Variants in DUSP22 observed in about 807,000 individuals in gnomAD.
DUSP22 encodes the protein dual specificity protein phosphatase 22.
A neutral mutation model predicts 24.5 loss-of-function variants in DUSP22; 24 were observed. The ratio of observed to expected loss-of-function variants is 0.98; its 90% CI spans 0.71 to 1.38. The LOEUF is 1.38. Ranked by LOEUF, DUSP22 falls within the 40% of genes most tolerant of loss-of-function variation. The pLI is 0.00. For missense variants in DUSP22, 330 were observed against 269.2 expected, an observed-to-expected ratio of 1.23 and a Z score of -1.58; for synonymous variants, 160 against 106.4, an observed-to-expected ratio of 1.50 and a Z score of -3.10.
At chr6:333,693 C>A (rs1476995357) in intron 3 of DUSP22, among the ~76,000 whole-genome samples, 2 of 152,308 alleles carry the variant, frequency 1.3e-5, no homozygotes, top group East Asian at 3.8e-4. Context: ...GAAAACTGGC[C>A]CCAAGCTCAG....
At chr6:311,455 C>T (rs111232467) in intron 2 of DUSP22, among the ~76,000 whole-genome samples, 68 of 152,364 alleles carry the variant, frequency 4.5e-4, no homozygotes, top group African/African-American at 1.3e-3. Context: ...CCGAGGCGGG[C>T]GGCTCACGAG....
intron 2 of DUSP22, among the ~76,000 whole-genome samples, chr6:305,131 C>G (rs1167636254): frequency 1.3e-5 from 2 of 152,310 alleles, no homozygotes; most frequent in Non-Finnish European, 2.9e-5. Flanking sequence ...AAAGTGAGTT[C>G]ACTTTTTAAA....
intron 1 of DUSP22, among the ~76,000 whole-genome samples, chr6:296,206 T>C (rs1299947015): frequency 6.6e-6 from 1 of 152,306 alleles, no homozygotes; most frequent in Non-Finnish European, 1.5e-5. Flanking sequence ...ATTGTTTTTG[T>C]TTGTGTGTGC....
chr6:335,171 TC>T lies in DUSP22; in HGVS notation c.188+9del. The T allele has an allele frequency of 6.2e-7, 1 of 1,613,368 alleles. No individual in the cohort carries two copies. Among genetic ancestry groups the T allele is most frequent in the Non-Finnish European group, 8.5e-7 (1 of 1,179,240 alleles). The stretch of plus-strand genomic sequence containing the variant: ...TTCACCATCTCAAAACCTGTAAGTT[TC>T]TTATTTCTGTATTATTTGGAGACAT... On this transcript the variant is annotated intron_variant, in intron 4 of 6. Transcript: ENST00000419235.
At chr6:308,923 GC>G (rs1182031543) in intron 2 of DUSP22, among the ~76,000 whole-genome samples, 3 of 152,418 alleles carry the variant, frequency 2.0e-5, no homozygotes, top group Non-Finnish European at 2.9e-5. Flanking sequence ...CCATCAGGCT[GC>G]CCCGCCTCTA....
At chr6:323,849 A>T (rs1758721050) in intron 3 of DUSP22, among the ~76,000 whole-genome samples, 1 of 152,312 alleles carries the variant, frequency 6.6e-6, no homozygotes. Context: ...TATCTATTTT[A>T]TGAAATACCT....
At chr6:346,883 C>G (rs1200833669) in intron 5 of DUSP22, among the ~76,000 whole-genome samples, 5 of 152,290 alleles carry the variant, frequency 3.3e-5, no homozygotes, top group Non-Finnish European at 5.9e-5. Flanking sequence ...GAGAAGCCAC[C>G]TATGAAAACT....
chr6:332,102 G>A (rs1759167181), intron 3 of DUSP22, among the ~76,000 whole-genome samples: 1 of 152,300 alleles, frequency 6.6e-6, no homozygotes, highest in African/African-American at 2.4e-5. Flanking sequence ...CTCATCCTCT[G>A]TCTCATCACT....
chr6:314,117 G>C (rs560070486), intron 3 of DUSP22, among the ~76,000 whole-genome samples: 1 of 152,304 alleles, frequency 6.6e-6, no homozygotes, highest in Non-Finnish European at 1.5e-5. Context: ...GAGAGAAATG[G>C]GGCAGGGAAT....
intron 3 of DUSP22, among the ~76,000 whole-genome samples, chr6:318,353 G>C (rs1418191532): frequency 6.6e-6 from 1 of 152,312 alleles, no homozygotes; most frequent in Non-Finnish European, 1.5e-5. Flanking sequence ...ACTTCATGGA[G>C]CTTATCCTCA....
intron 3 of DUSP22, among the ~76,000 whole-genome samples, chr6:332,488 A>C (rs942037748): frequency 1.3e-5 from 2 of 152,302 alleles, no homozygotes; most frequent in African/African-American, 4.8e-5. Flanking sequence ...GACCAGCCTG[A>C]GTTGGTCCTT....
chr6:348,391 A>T, intron 6 of DUSP22, 117 bp downstream of exon 6: 1 of 1,504,860 alleles, frequency 6.6e-7, no homozygotes, highest in Non-Finnish European at 9.0e-7. Context: ...CACAGAGGAC[A>T]TCGGCTCCCA....
chr6:336,296 A>C (rs1483073061), intron 4 of DUSP22, among the ~76,000 whole-genome samples: 2 of 152,306 alleles, frequency 1.3e-5, no homozygotes, highest in African/African-American at 2.4e-5. Context: ...GTCACAGGGA[A>C]GTTGTAGGCT....
At chr6:315,473 T>C (rs1200808259) in intron 3 of DUSP22, among the ~76,000 whole-genome samples, 1 of 152,296 alleles carries the variant, frequency 6.6e-6, no homozygotes, top group South Asian at 2.1e-4. Context: ...CTGGGGATTT[T>C]CCCAGCATGC....
intron 1 of DUSP22, among the ~76,000 whole-genome samples, chr6:303,667 C>T (rs750377264): frequency 1.6e-4 from 24 of 152,294 alleles, no homozygotes; most frequent in Non-Finnish European, 2.6e-4. Flanking sequence ...GCTTGGAAAT[C>T]GTGGCAAGTG....
At chr6:334,348 C>T (rs1410019669) in intron 3 of DUSP22, among the ~76,000 whole-genome samples, 1 of 152,276 alleles carries the variant, frequency 6.6e-6, no homozygotes, top group East Asian at 1.9e-4. Context: ...TGTGTTTCTA[C>T]TTGACAGAGC....
Position 349,301 on chromosome 6 carries a change from G to A in DUSP22, c.*350G>A. 8.3e-7 allele frequency: 1 copy of A among 1,204,406 alleles called. No homozygotes were observed. Among genetic ancestry groups the A allele is most frequent in the Non-Finnish European group, 1.0e-6 (1 of 962,514 alleles). 74.6% of individuals were successfully genotyped at this position (1,204,406 alleles called of 1,614,324 possible). ...TATGTGCACCTAAGTGTGTACATGT[G>A]TGTATGTTGTGAAAGTGTCTGTGCA... On this transcript the variant is annotated 3_prime_UTR_variant, in exon 7 of 7. Coordinates refer to ENST00000419235, the MANE Select transcript of DUSP22 (RefSeq NM_001286555.3).
intron 1 of DUSP22, among the ~76,000 whole-genome samples, chr6:293,615 G>C (rs1481060915): frequency 3.3e-5 from 5 of 152,284 alleles, no homozygotes; most frequent in African/African-American, 1.2e-4. Flanking sequence ...GCAGTGGTTT[G>C]GGTGTTGGGG....
At chr6:304,831 C>T (rs1205161541) in intron 2 of DUSP22, among the ~76,000 whole-genome samples, 170 bp downstream of exon 2, 1 of 152,304 alleles carries the variant, frequency 6.6e-6, no homozygotes, top group Admixed American at 6.5e-5. Flanking sequence ...GAAACTGTGT[C>T]CCTTAAAACA....
Sources: gnomAD v4.1 joint callset for allele counts (sites outside exome capture counted in the v4.1 genomes callset) on GRCh38, gnomAD v4.1.1 for gene constraint, MANE v1.5 for transcripts, NCBI Gene and HGNC (gene_info 2026-07-23, HGNC 2026-07-21) for gene names.